Variants in SND1 observed in about 807,000 individuals in gnomAD.
SND1 encodes the protein staphylococcal nuclease domain-containing protein 1.
In SND1, 38 loss-of-function variants were observed where a neutral mutation model predicts 121.7. The ratio of observed to expected loss-of-function variants is 0.31; its 90% confidence interval spans 0.24 to 0.41. The LOEUF (loss-of-function observed/expected upper bound fraction) is 0.41, where lower values mean the gene tolerates loss of function less well. Ranked by LOEUF, SND1 falls within the 10% of genes least tolerant of loss-of-function variation. SND1 has a pLI of 1.00. For missense variants in SND1, 868 were observed against 1,184.6 expected, an observed-to-expected ratio of 0.73 and a Z score of 3.92; for synonymous variants, 401 against 447.4, an observed-to-expected ratio of 0.90 and a Z score of 1.31.
Position 127,904,719 on chromosome 7 carries a change from A to G in SND1, c.1455-28A>G, listed in dbSNP as rs1418063052. The G allele has an allele frequency of 2.0e-6, 3 of 1,510,414 alleles. No individual in the cohort carries two copies. The South Asian group carries it at 3.4e-5, about 17-fold the overall frequency. 93.6% of individuals were successfully genotyped at this position (1,510,414 alleles called of 1,614,324 possible). On this transcript the variant is annotated intron_variant, in intron 13 of 23. Coordinates refer to ENST00000354725, the MANE Select transcript of SND1 (RefSeq NM_014390.4). ...CCCTTCCCATTGTGATTCTTGTTTTAATCGGTTTTTCTCTTCTTCCTTAAC... is the reference window on the plus strand; with the variant it reads ...CCCTTCCCATTGTGATTCTTGTTTTGATCGGTTTTTCTCTTCTTCCTTAAC...
chr7:128,063,355 G>A (rs1011021067), intron 16 of SND1, among the ~76,000 whole-genome samples: 1 of 152,160 alleles, frequency 6.6e-6, no homozygotes, highest in Non-Finnish European at 1.5e-5. Context: ...ATGGCGTCTG[G>A]GCTGTGCTGC....
chr7:127,688,780 C>T (rs759009734), intron 2 of SND1, among the ~76,000 whole-genome samples: 27 of 151,280 alleles, frequency 1.8e-4, no homozygotes, highest in Non-Finnish European at 3.2e-4. Flanking sequence ...TTGTTCTTTG[C>T]CCCAACTTTA....
intron 16 of SND1, chr7:128,031,899 A>T (rs1283249418): frequency 6.6e-6 from 1 of 150,666 alleles, no homozygotes; most frequent in East Asian, 2.0e-4. Context: ...GGACTGCTGC[A>T]GCGGCGTGAG....
At chr7:127,718,802 G>C (rs1183323297) in intron 9 of SND1, 1 of 917,456 alleles carries the variant, frequency 1.1e-6, no homozygotes, top group Admixed American at 6.2e-5. Flanking sequence ...TACTCTCTAA[G>C]CATGACTAGG....
intron 10 of SND1, among the ~76,000 whole-genome samples, chr7:127,797,130 T>G (rs1022122332): frequency 3.3e-5 from 5 of 152,038 alleles, no homozygotes; most frequent in Non-Finnish European, 7.4e-5. Context: ...TGACCTCAGG[T>G]TATCCACCCA....
intron 15 of SND1, among the ~76,000 whole-genome samples, chr7:127,967,649 A>G (rs989311887): frequency 6.6e-6 from 1 of 152,116 alleles, no homozygotes; most frequent in Non-Finnish European, 1.5e-5. Flanking sequence ...TAGAATCCAA[A>G]GTATTCTCTA....
chr7:127,718,951 A>G lies in SND1; in HGVS notation c.1039-2336A>G, dbSNP rs79776152. Among the ~76,000 whole-genome samples, 1,198 of 152,196 alleles carry G rather than the reference A, an allele frequency of 7.9e-3. 18 individuals are homozygous for G. The highest frequency in any genetic ancestry group is 0.027 in the African/African-American group (1,119 of 41,518). ...GTATTAAGATTTGGGAAATCCTGTG[A>G]TGTATGTGCCTTTGATACATCATCT... On this transcript the variant is annotated intron_variant, in intron 9 of 23. Transcript: ENST00000354725.
At chr7:127,720,082 G>A (rs967514571) in intron 9 of SND1, among the ~76,000 whole-genome samples, 2 of 152,206 alleles carry the variant, frequency 1.3e-5, no homozygotes, top group African/African-American at 4.8e-5. Context: ...GAAGCTGCAA[G>A]TAAATGAATA....
intron 12 of SND1, among the ~76,000 whole-genome samples, chr7:127,874,198 C>G (rs1025209365): frequency 1.3e-5 from 2 of 152,112 alleles, no homozygotes; most frequent in African/African-American, 4.8e-5. Flanking sequence ...CTGCCAGGGA[C>G]AGGGACAGGG....
intron 12 of SND1, among the ~76,000 whole-genome samples, chr7:127,852,216 T>G (rs1015999137): frequency 2.6e-5 from 4 of 151,486 alleles, no homozygotes; most frequent in Non-Finnish European, 5.9e-5. Context: ...AAAATAATCC[T>G]GGGCGAGATG....
At chr7:127,877,004 G>A (rs1213382830) in intron 12 of SND1, among the ~76,000 whole-genome samples, 1 of 152,030 alleles carries the variant, frequency 6.6e-6, no homozygotes, top group Admixed American at 6.6e-5. Context: ...TATTTAATAT[G>A]CCCTGCATAC....
At chr7:127,684,995 T>A (rs1215995881) in intron 1 of SND1, among the ~76,000 whole-genome samples, 1 of 152,166 alleles carries the variant, frequency 6.6e-6, no homozygotes, top group Middle Eastern at 3.2e-3. Context: ...TGAATTGTGA[T>A]ATATTCGTAC....
At chr7:128,057,898 A>T (rs1793169049) in intron 16 of SND1, among the ~76,000 whole-genome samples, 1 of 152,216 alleles carries the variant, frequency 6.6e-6, no homozygotes, top group Non-Finnish European at 1.5e-5. Context: ...CCTGTAGTAT[A>T]AGGCAAGTAG....
intron 15 of SND1, among the ~76,000 whole-genome samples, chr7:127,960,163 G>A (rs186126499): frequency 1.1e-3 from 175 of 152,248 alleles, no homozygotes; most frequent in African/African-American, 3.9e-3. Context: ...ACAATATCTA[G>A]GCCAATATTA....
intron 13 of SND1, among the ~76,000 whole-genome samples, chr7:127,889,810 A>G (rs1393629717): frequency 1.3e-5 from 2 of 152,094 alleles, no homozygotes; most frequent in Non-Finnish European, 2.9e-5. Context: ...TTCACTTGGC[A>G]TTATGACCTC....
chr7:128,030,436 C>T, intron 16 of SND1: 1 of 1,613,852 alleles, frequency 6.2e-7, no homozygotes, highest in Non-Finnish European at 8.5e-7. Context: ...CCCTGCGGGA[C>T]CTCGGAGAGG....
chr7:128,073,690 G>T (rs1793453775), intron 16 of SND1, among the ~76,000 whole-genome samples: 1 of 152,248 alleles, frequency 6.6e-6, no homozygotes, highest in Non-Finnish European at 1.5e-5. Context: ...GGGAAAGAAA[G>T]AGGTCAGGAG....
intron 12 of SND1, among the ~76,000 whole-genome samples, chr7:127,869,187 C>T (rs1799532754): frequency 6.6e-6 from 1 of 151,938 alleles, no homozygotes; most frequent in African/African-American, 2.4e-5. Flanking sequence ...TGAAGGATGG[C>T]AAAAAGCAAG....
At chr7:127,699,190 A>G (rs571909114) in intron 4 of SND1, among the ~76,000 whole-genome samples, 2 of 152,332 alleles carry the variant, frequency 1.3e-5, no homozygotes, top group African/African-American at 2.4e-5. Flanking sequence ...CTTCATATTC[A>G]TAAGAGTCAA....
Sources: gnomAD v4.1 joint callset for allele counts (sites outside exome capture counted in the v4.1 genomes callset) on GRCh38, gnomAD v4.1.1 for gene constraint, MANE v1.5 for transcripts, NCBI Gene and HGNC (gene_info 2026-07-23, HGNC 2026-07-21) for gene names.